CACNA1A: variants seen among roughly 807,000 people sequenced by gnomAD.
CACNA1A encodes voltage-dependent P/Q-type calcium channel subunit alpha-1A.
CACNA1A carries 57 observed loss-of-function variants against 262.4 expected under a neutral mutation model. The ratio of observed to expected loss-of-function variants is 0.22; its 90% confidence interval spans 0.18 to 0.27. CACNA1A has a LOEUF of 0.27. Ranked by LOEUF, CACNA1A falls within the 10% of genes least tolerant of loss-of-function variation. The probability of loss-of-function intolerance (pLI) is 1.00; values close to 1 mark genes in which losing one functional copy is unlikely to be tolerated. For synonymous variants in CACNA1A, 1,431 were observed against 1,419.3 expected (o/e 1.01, Z -0.18); for missense variants, 2,526 against 3,562.8 (o/e 0.71, Z 7.41).
chr19:13,363,511 A>C (rs992851002), intron 5 of CACNA1A: 27 of 135,186 alleles, frequency 2.0e-4, no homozygotes, highest in African/African-American at 7.9e-4. Flanking sequence ...AAACCAACAA[A>C]CCAAAACCCA....
At chr19:13,431,704 G>A (rs2060507156) in intron 3 of CACNA1A, among the ~76,000 whole-genome samples, 1 of 152,126 alleles carries the variant, frequency 6.6e-6, no homozygotes, top group Non-Finnish European at 1.5e-5. Context: ...CTTTAAAAAG[G>A]AGCAAATTCC....
At chr19:13,310,129 C>T (rs920758776) in intron 12 of CACNA1A, among the ~76,000 whole-genome samples, 1 of 151,958 alleles carries the variant, frequency 6.6e-6, no homozygotes, top group Non-Finnish European at 1.5e-5. Context: ...AAGGTCCTCG[C>T]CTTTTTAACG....
chr19:13,303,460 A>ACCCCCCC, intron 17 of CACNA1A, 86 bp downstream of exon 17: 3 of 115,434 alleles, frequency 2.6e-5, no homozygotes, highest in East Asian at 3.6e-4. Flanking sequence ...CCCCACCCCC[A>ACCCCCCC]CCCCCACCCC....
intron 19 of CACNA1A, among the ~76,000 whole-genome samples, chr19:13,291,699 TG>T (rs1470735192): frequency 1.3e-5 from 2 of 151,054 alleles, no homozygotes; most frequent in Non-Finnish European, 2.9e-5. Context: ...TCCAGTTACT[TG>T]GGAGGCTGAG....
intron 38 of CACNA1A, among the ~76,000 whole-genome samples, chr19:13,222,597 G>A (rs957056759): frequency 1.1e-4 from 16 of 151,272 alleles, no homozygotes; most frequent in South Asian, 2.1e-4. Flanking sequence ...GGGTTTCACC[G>A]TGTTACCCAG....
At chr19:13,249,419 A>C (rs722419) in intron 30 of CACNA1A, among the ~76,000 whole-genome samples, 91,859 of 151,932 alleles carry the variant, frequency 0.6, 28,224 homozygotes, top group African/African-American at 0.68. Flanking sequence ...GCAGCGGCTC[A>C]ATCACGACTC....
intron 46 of CACNA1A, 134 bp downstream of exon 46, chr19:13,208,622 G>C: frequency 8.6e-7 from 1 of 1,164,322 alleles, no homozygotes; most frequent in East Asian, 2.7e-5. Context: ...CGGTGGCTTG[G>C]GGGCAGGATG....
At chr19:13,309,075 C>T (rs2057963925) in intron 12 of CACNA1A, among the ~76,000 whole-genome samples, 1 of 152,090 alleles carries the variant, frequency 6.6e-6, no homozygotes. Flanking sequence ...GTGGCGCGAT[C>T]TCAGCTTACT....
At chr19:13,294,377 G>C (rs1374046611) in intron 19 of CACNA1A, among the ~76,000 whole-genome samples, 1 of 151,712 alleles carries the variant, frequency 6.6e-6, no homozygotes, top group South Asian at 2.1e-4. Context: ...TAGTATACTG[G>C]CCTCCCATTC....
At chr19:13,348,463 G>C (rs1388188194) in intron 6 of CACNA1A, among the ~76,000 whole-genome samples, 1 of 152,146 alleles carries the variant, frequency 6.6e-6, no homozygotes. Context: ...AGCACTTTGG[G>C]AGGCCAAGGC....
At position 13,306,950 on chromosome 19, in the gene CACNA1A, T is replaced by C. The variant is rs544700806; in HGVS notation, c.1986+832A>G. ...ATGGTGTGCTCCTTCTCTGAGGATC[T>C]GTGAGTATAACAAACTTTCTTTTCG... On this transcript the variant is annotated intron_variant, in intron 15 of 46. Transcript: ENST00000360228. Among the ~76,000 whole-genome samples the C allele has an allele frequency of 7.9e-5, 12 of 152,240 alleles. No homozygotes were observed. In the South Asian group the frequency reaches 2.5e-3, roughly 32 times the overall value.
At chr19:13,352,266 C>A (rs1256529025) in intron 6 of CACNA1A, among the ~76,000 whole-genome samples, 1 of 151,930 alleles carries the variant, frequency 6.6e-6, no homozygotes, top group African/African-American at 2.4e-5. Context: ...AATTAGCTGA[C>A]CATGCTGGTG....
chr19:13,424,138 C>G (rs927365783), intron 3 of CACNA1A, among the ~76,000 whole-genome samples: 3 of 152,164 alleles, frequency 2.0e-5, no homozygotes, highest in Non-Finnish European at 4.4e-5. Context: ...CGCCTGAGGT[C>G]AGGAGTTTGA....
chr19:13,225,720 T>A (rs1319210257), intron 37 of CACNA1A: 1 of 118,582 alleles, frequency 8.4e-6, no homozygotes, highest in South Asian at 2.7e-4. Flanking sequence ...GAGGGGACAC[T>A]GGGGGTAGGG....
At chr19:13,496,995 ACG>A (rs776379027) in intron 1 of CACNA1A, among the ~76,000 whole-genome samples, 6 of 152,186 alleles carry the variant, frequency 3.9e-5, no homozygotes, top group Non-Finnish European at 5.9e-5. Context: ...GCCCAAGATC[ACG>A]CAGCCAGTGA....
Position 13,298,688 on chromosome 19 carries a change from C to A in CACNA1A, c.2945G>T (p.Gly982Val). The part of the protein sequence containing the change: ...KAERRARHRE[G>V]SRPARGGEGE... ...CTCGCCGCCCCGGGCCGGCCGGCTG[C>A]CCTCGCGGTGCCGCGCCCTCCGCTC... is the stretch of plus-strand genomic sequence containing the variant. The change falls in exon 19 of 47, where the codon GGC (glycine) becomes GTC (valine). Residue 982 changes from glycine to valine, a missense_variant. Around this residue, in one of 17 missense-constraint regions of CACNA1A, gnomAD observed 765 missense variants for 748.6 expected, o/e 1.02. Transcript: ENST00000360228. 3 of 1,458,874 alleles carry A rather than the reference C, an allele frequency of 2.1e-6. No individual in the cohort carries two copies. Among genetic ancestry groups the A allele is most frequent in the African/African-American group, 3.0e-5 (2 of 66,880 alleles). 90.4% of individuals were successfully genotyped at this position (1,458,874 alleles called of 1,614,324 possible).
intron 5 of CACNA1A, chr19:13,362,203 A>T (rs2059123477): frequency 6.6e-6 from 1 of 151,528 alleles, no homozygotes; most frequent in Middle Eastern, 3.4e-3. Context: ...TAATTTTTAA[A>T]TTTTTTTATT....
intron 37 of CACNA1A, 59 bp downstream of exon 37, chr19:13,227,367 AAGAAG>A: frequency 5.4e-5 from 4 of 74,432 alleles, no homozygotes; most frequent in Middle Eastern, 5.0e-3. Flanking sequence ...ACTAAAAAAA[AAGAAG>A]AAGAAGAAGA....
At chr19:13,499,952 G>A (rs755368962) in intron 1 of CACNA1A, among the ~76,000 whole-genome samples, 12 of 151,850 alleles carry the variant, frequency 7.9e-5, no homozygotes, top group Non-Finnish European at 1.3e-4. Flanking sequence ...GCTTGCTACT[G>A]GGGGGGAAAC....
Sources: gnomAD v4.1 joint callset for allele counts (sites outside exome capture counted in the v4.1 genomes callset) on GRCh38, gnomAD v4.1.1 for gene constraint, gnomAD v4.1.1 regional missense constraint, MANE v1.5 for transcripts, NCBI Gene and HGNC (gene_info 2026-07-23, HGNC 2026-07-21) for gene names.